CAPN15: variants seen among roughly 807,000 people sequenced by gnomAD.
CAPN15 encodes calpain 15.
A neutral mutation model predicts 97.9 loss-of-function variants in CAPN15; 53 were observed. The ratio of observed to expected loss-of-function variants is 0.54; its 90% CI spans 0.43 to 0.68. The LOEUF (loss-of-function observed/expected upper bound fraction) is 0.68, where lower values mean the gene tolerates loss of function less well. Among genes scored for constraint, CAPN15 ranks in the 30% least tolerant of loss-of-function variants. CAPN15 has a pLI of 0.00. For missense variants in CAPN15, 1,592 were observed against 1,589.8 expected (o/e 1.00, Z -0.02); for synonymous variants, 922 against 722.5 (o/e 1.28, Z -4.43).
At chr16:550,528 C>T (rs902655741) in intron 7 of CAPN15, among the ~76,000 whole-genome samples, 3 of 152,212 alleles carry the variant, frequency 2.0e-5, no homozygotes, top group Non-Finnish European at 2.9e-5. Flanking sequence ...TCGCGGCCAG[C>T]GAGGGCACTG....
At position 532,999 on chromosome 16, in the gene CAPN15, T is replaced by A. The variant is rs138263258; in HGVS notation, c.-189-947T>A. On this transcript the variant is annotated intron_variant, in intron 1 of 13. Transcript: ENST00000219611. ...ACTGGGGGAGGCCGAGGCGGGTGGA[T>A]CACCTGAGGTCTGGAGTTCGAGACC... Among the ~76,000 whole-genome samples the A allele has an allele frequency of 9.0e-3, 1,363 of 152,126 alleles. 20 individuals carry two copies. Among genetic ancestry groups the A allele is most frequent in the African/African-American group, 0.03 (1,253 of 41,512 alleles).
rs1567146007 is a variant in CAPN15 at position 544,718 on chromosome 16, TCGC to T, written c.-22-2097_-22-2095del. Among the ~76,000 whole-genome samples the T allele has an allele frequency of 5.8e-3, 385 of 66,318 alleles. 22 individuals are homozygous for T. The highest frequency in any genetic ancestry group is 0.027 in the African/African-American group (363 of 13,584). 43.5% of individuals were successfully genotyped at this position (66,318 alleles called of 152,430 possible). ...CCTCCCCCACGTCGCCTCCCCCACG[TCGC>T]CTCCCCCACGTCGCCTCCCCCACGT... is the stretch of plus-strand genomic sequence containing the variant. On this transcript the variant is annotated intron_variant, in intron 3 of 13. Coordinates refer to ENST00000219611, the MANE Select transcript of CAPN15 (RefSeq NM_005632.3).
At position 549,404 on chromosome 16, in the gene CAPN15, C is replaced by T. The variant is rs751850378; in HGVS notation, c.1775C>T (p.Thr592Met). 24 of 1,599,406 alleles carry T rather than the reference C, an allele frequency of 1.5e-5. No individual in the cohort carries two copies. Among genetic ancestry groups the T allele is most frequent in the Non-Finnish European group, 2.0e-5 (23 of 1,178,764 alleles). ...CAGGTGCGGCTGTGCAAGGACGGCA[C>T]GTGGACCACGGTGCTGGTGGACGAC... Reference protein sequence around the residue: ...AYQVRLCKDGTWTTVLVDDML... With the variant: ...AYQVRLCKDGMWTTVLVDDML... Residue 592 changes from threonine (T) to methionine (M), a missense_variant, in exon 6 of 14, where the codon ACG (threonine) becomes ATG (methionine). Thr to Met is a moderately conservative substitution (Grantham distance 81, BLOSUM62 -1). Around this residue, in one of 3 missense-constraint regions of CAPN15, gnomAD observed 65 missense variants for 113.7 expected, o/e 0.57. Coordinates refer to ENST00000219611, the MANE Select transcript of CAPN15 (RefSeq NM_005632.3).
At position 549,053 on chromosome 16, in the gene CAPN15, G is replaced by T. The variant is rs763735435; in HGVS notation, c.1510G>T (p.Ala504Ser). ...CGGGCCCGAGTCTGTCGGCTTCCCC[G>T]CGGGTGACAGCGTGCAGCAGCGTGT... ...PPGPESVGFP[A>S]GDSVQQRVRQ... The change falls in exon 5 of 14, where the codon GCG becomes TCG. Residue 504 changes from alanine to serine, a missense_variant. Physicochemically the swap from Ala to Ser is moderately conservative, Grantham distance 99. This residue lies in a region of CAPN15 where 883 missense variants were observed against 776.6 expected (regional missense o/e 1.14). Transcript: ENST00000219611. 3 of 1,612,724 alleles carry T rather than the reference G, an allele frequency of 1.9e-6. No individual in the cohort carries two copies. Among genetic ancestry groups the T allele is most frequent in the Non-Finnish European group, 2.5e-6 (3 of 1,179,938 alleles).
At chr16:551,237 C>T (rs1462304291) in intron 7 of CAPN15, 65 bp from the exon 8 acceptor site, 3 of 1,358,490 alleles carry the variant, frequency 2.2e-6, no homozygotes, top group Admixed American at 2.1e-5. Flanking sequence ...CAGTGAGGGT[C>T]CCCGGTCGGT....
In CAPN15 at chr16:552,801, T is replaced by TGGGGGGGGGGG; in HGVS notation, c.2904+34_2904+35insGGGGGGGGGGG. 1 of 1,504,534 alleles carries TGGGGGGGGGGG rather than the reference T, an allele frequency of 6.6e-7. No homozygotes were observed. Among genetic ancestry groups the TGGGGGGGGGGG allele is most frequent in the Non-Finnish European group, 8.9e-7 (1 of 1,119,160 alleles). The allele number at this position is 1,504,534 out of a possible 1,614,324, so 93.2% of individuals were successfully genotyped here. On this transcript the variant is annotated intron_variant, in intron 12 of 13. Coordinates refer to ENST00000219611, the MANE Select transcript of CAPN15 (RefSeq NM_005632.3). The surrounding 1 kb of genome is among the most constrained non-coding windows in gnomAD (Gnocchi z 6.4). ...GTGGGGGTCCCGGGGGAGGGTGGCG[T>TGGGGGGGGGGG]GGGGCAGGGGGAGTATGCCCCAGCA...
At chr16:548,590 A>G (rs1228721532) in intron 4 of CAPN15, among the ~76,000 whole-genome samples, 3 of 152,182 alleles carry the variant, frequency 2.0e-5, no homozygotes, top group Non-Finnish European at 4.4e-5. Context: ...AGGGCTTCCC[A>G]GGGGCAGCGT....
chr16:546,482 G>A (rs569323694), intron 3 of CAPN15, among the ~76,000 whole-genome samples: 42 of 152,230 alleles, frequency 2.8e-4, no homozygotes, highest in African/African-American at 7.7e-4. Context: ...GAGTTTGGCC[G>A]GGACCCCCTG....
intron 2 of CAPN15, among the ~76,000 whole-genome samples, chr16:534,279 C>T (rs866457590): frequency 3.3e-5 from 1 of 30,608 alleles, no homozygotes; most frequent in African/African-American, 7.2e-4. Flanking sequence ...TGGCCCCGGC[C>T]CCCAGATGGA....
Position 551,186 on chromosome 16 carries a change from G to GCCCCGGTCGGTGAGGGT in CAPN15, c.2067-111_2067-95dup. On this transcript the variant is annotated intron_variant, in intron 7 of 13. Coordinates refer to ENST00000219611, the MANE Select transcript of CAPN15 (RefSeq NM_005632.3). Reference sequence around the variant, plus strand: ...TCGGTGAGGGTCCCGGTCGGTGAGGGCCCCGGTCGGTGAGGGTCCCCAGTC... The same window carrying GCCCCGGTCGGTGAGGGT: ...TCGGTGAGGGTCCCGGTCGGTGAGGGCCCCGGTCGGTGAGGGTCCCCGGTCGGTGAGGGTCCCCAGTC... 13 of 1,454,610 alleles carry GCCCCGGTCGGTGAGGGT rather than the reference G, an allele frequency of 8.9e-6. No homozygotes were observed. In the East Asian group the frequency reaches 2.3e-4, roughly 26 times the overall value. 90.1% of individuals were successfully genotyped at this position (1,454,610 alleles called of 1,614,324 possible).
chr16:528,926 C>T (rs1183954405), intron 1 of CAPN15, among the ~76,000 whole-genome samples: 3 of 152,222 alleles, frequency 2.0e-5, no homozygotes, highest in African/African-American at 7.2e-5. Context: ...CCGTAATTGC[C>T]TCCGCGTTTC....
In CAPN15 at chr16:553,550, G is replaced by A. The variant is rs370085862; in HGVS notation, c.*34G>A. 1.3e-4 allele frequency: 194 copies of A among 1,444,974 alleles called. No homozygotes were observed. The highest frequency in any genetic ancestry group is 7.5e-4 in the Admixed American group (40 of 53,596). The allele number at this position is 1,444,974 out of a possible 1,614,324, so 89.5% of individuals were successfully genotyped here. On this transcript the variant is annotated 3_prime_UTR_variant, in exon 14 of 14. Transcript: ENST00000219611. ...CCTGGGGCAGGGGCTGTGCACAGAC[G>A]GACCCCCCACCCCCACACGCACTTT...
intron 4 of CAPN15, among the ~76,000 whole-genome samples, chr16:548,668 C>T (rs577233209): frequency 1.3e-5 from 2 of 152,364 alleles, no homozygotes; most frequent in Admixed American, 1.3e-4. Context: ...AGGATGGCAT[C>T]ACCCACGGGT....
At chr16:532,810 A>G (rs1342838410) in intron 1 of CAPN15, among the ~76,000 whole-genome samples, 2 of 150,684 alleles carry the variant, frequency 1.3e-5, no homozygotes, top group African/African-American at 2.4e-5. Context: ...CCGAGATCAC[A>G]CCACTGCACT....
intron 1 of CAPN15, among the ~76,000 whole-genome samples, chr16:531,527 CAG>C (rs1596316343): frequency 6.6e-6 from 1 of 152,202 alleles, no homozygotes; most frequent in African/African-American, 2.4e-5. Flanking sequence ...AAGGTGGCTG[CAG>C]AGAGGCTGGA....
chr16:533,800 A>T, intron 1 of CAPN15, 146 bp from the exon 2 acceptor site: 1 of 208,738 alleles, frequency 4.8e-6, no homozygotes. Flanking sequence ...AGAAGCTCGG[A>T]CAGCTTCTAA....
At chr16:542,263 G>T (rs1183618137) in intron 3 of CAPN15, among the ~76,000 whole-genome samples, 1 of 152,148 alleles carries the variant, frequency 6.6e-6, no homozygotes, top group East Asian at 1.9e-4. Context: ...GAGGTTTTGC[G>T]TGGACCTGTT....
At position 546,869 on chromosome 16, in the gene CAPN15, C is replaced by T. The variant is rs2034619565; in HGVS notation, c.31C>T (p.Arg11Cys). Residue 11 changes from arginine (R) to cysteine (C), a missense_variant, in exon 4 of 14, where the codon CGC becomes TGC. This residue lies in a region of CAPN15 where 883 missense variants were observed against 776.6 expected (regional missense o/e 1.14). Coordinates refer to ENST00000219611, the MANE Select transcript of CAPN15 (RefSeq NM_005632.3). MATVGEWSCV[R>C]CTFLNPAGQR... is the part of the protein sequence containing the mutation. ...CACGGTCGGAGAGTGGTCCTGTGTG[C>T]GCTGCACCTTCCTGAACCCGGCCGG... The T allele has an allele frequency of 1.9e-6, 3 of 1,611,216 alleles. No homozygotes were observed. Among genetic ancestry groups the T allele is most frequent in the Non-Finnish European group, 2.5e-6 (3 of 1,179,388 alleles).
In CAPN15 at chr16:548,057, C is replaced by G. The variant is rs561151762; in HGVS notation, c.1219C>G (p.Arg407Gly). Residue 407 changes from arginine to glycine, a missense_variant, in exon 4 of 14, where the codon CGC becomes GGC. Around this residue, in one of 3 missense-constraint regions of CAPN15, gnomAD observed 883 missense variants for 776.6 expected, o/e 1.14. Coordinates refer to ENST00000219611, the MANE Select transcript of CAPN15 (RefSeq NM_005632.3). ...GGTGTCCTCGGCCCAGAAGGCCGCC[C>G]GCGTCCTGCCCGAGCGCCCGGGCCA... ...GRVSSAQKAA[R>G]VLPERPGQWA... 7 of 1,548,928 alleles carry G rather than the reference C, an allele frequency of 4.5e-6. No individual in the cohort carries two copies. The highest frequency in any genetic ancestry group is 5.2e-6 in the Non-Finnish European group (6 of 1,148,008).
Sources: allele counts gnomAD v4.1 joint callset (sites outside exome capture counted in the v4.1 genomes callset), GRCh38; gene constraint gnomAD v4.1.1; regional missense constraint gnomAD v4.1.1; non-coding constraint Gnocchi (gnomAD v3.1); transcripts MANE v1.5; gene names NCBI Gene and HGNC (gene_info 2026-07-23, HGNC 2026-07-21).